LITAF: variants seen among roughly 807,000 people sequenced by gnomAD.
LITAF encodes the protein lipopolysaccharide-induced tumor necrosis factor-alpha factor.
A neutral mutation model predicts 14.5 loss-of-function variants in LITAF; 9 were observed. The observed-to-expected ratio is 0.62, with a 90% confidence interval of 0.37 to 1.08. The LOEUF (loss-of-function observed/expected upper bound fraction) is 1.08, where lower values mean the gene tolerates loss of function less well. Ranked by LOEUF, LITAF falls within the 50% of genes least tolerant of loss-of-function variation. LITAF has a pLI of 0.01. For synonymous variants in LITAF, 98 were observed against 88.2 expected (o/e 1.11, Z -0.62); for missense variants, 206 against 213.4 (o/e 0.97, Z 0.22).
In LITAF at chr16:11,558,975, C is replaced by T. The variant is rs1413004749; in HGVS notation, c.-5-2240G>A. Among the ~76,000 whole-genome samples the T allele has an allele frequency of 6.6e-6, 1 of 152,016 alleles. No homozygotes were observed. The highest frequency in any genetic ancestry group is 1.5e-5 in the Non-Finnish European group (1 of 68,012). On this transcript the variant is annotated intron_variant, in intron 1 of 3. Coordinates refer to ENST00000622633, the MANE Select transcript of LITAF (RefSeq NM_001136472.2). This position sits in a 1 kb window ranked among gnomAD's most constrained non-coding sequence, Gnocchi z 4.1. ...CTAAAATGTGGCTTGTGGCCGGGCA[C>T]GGGGGCTCATGACTGCAATCCCAGC...
rs899179162 is a variant in LITAF at position 11,558,192 on chromosome 16, G to C, written c.-5-1457C>G. 6.6e-6 allele frequency among the ~76,000 whole-genome samples: 1 copy of C among 152,180 alleles called. No homozygotes were observed. Among genetic ancestry groups the C allele is most frequent in the African/African-American group, 2.4e-5 (1 of 41,438 alleles). Reference sequence around the variant, plus strand: ...TAATCCCACTGCAGGGAGAAGGGTAGAGTCCTTCTCAGAAGCCCTGCCTCT... The same window carrying C: ...TAATCCCACTGCAGGGAGAAGGGTACAGTCCTTCTCAGAAGCCCTGCCTCT... On this transcript the variant is annotated intron_variant, in intron 1 of 3. Transcript: ENST00000622633. The surrounding 1 kb of genome is among the most constrained non-coding windows in gnomAD (Gnocchi z 4.1).
chr16:11,584,827 C>A (rs191399012), intron 1 of LITAF, among the ~76,000 whole-genome samples: 62 of 152,300 alleles, frequency 4.1e-4, no homozygotes, highest in African/African-American at 1.4e-3. Flanking sequence ...TATTTCTCAA[C>A]AGCCCGCCCA....
At chr16:11,620,965 G>T (rs1252247763) in intron 3 of LITAF, among the ~76,000 whole-genome samples, 1 of 152,100 alleles carries the variant, frequency 6.6e-6, no homozygotes, top group African/African-American at 2.4e-5. Context: ...GTGCCATCAT[G>T]GCTTACTGCA....
chr16:11,618,926 T>C (rs956716504), intron 3 of LITAF, among the ~76,000 whole-genome samples: 1 of 150,986 alleles, frequency 6.6e-6, no homozygotes. Flanking sequence ...GAGGTTGCAG[T>C]GAGCCGAGAT....
At chr16:11,552,563 T>C (rs1054832874) in intron 3 of LITAF, among the ~76,000 whole-genome samples, 3 of 152,224 alleles carry the variant, frequency 2.0e-5, no homozygotes, top group Non-Finnish European at 4.4e-5. Flanking sequence ...CCTGAGGATA[T>C]TGCCCTGTAC....
At chr16:11,610,991 G>A (rs980128350) in intron 3 of LITAF, among the ~76,000 whole-genome samples, 8 of 152,002 alleles carry the variant, frequency 5.3e-5, no homozygotes, top group Non-Finnish European at 7.4e-5. Flanking sequence ...GGAGGAGGGA[G>A]GAAAAGTCAA....
intron 3 of LITAF, among the ~76,000 whole-genome samples, chr16:11,550,816 G>C (rs2064171163): frequency 6.6e-6 from 1 of 152,144 alleles, no homozygotes; most frequent in Non-Finnish European, 1.5e-5. Flanking sequence ...TCATCCTGAT[G>C]AGCCATGGCG....
At chr16:11,556,468 A>G in intron 2 of LITAF, 43 bp downstream of exon 2, 1 of 1,537,968 alleles carries the variant, frequency 6.5e-7, no homozygotes. Context: ...CCCAGGGTGG[A>G]GGGCCAAGGA....
chr16:11,636,152 C>T (rs1421632768), intron 1 of LITAF: 1 of 152,192 alleles, frequency 6.6e-6, no homozygotes, highest in Non-Finnish European at 1.5e-5. Flanking sequence ...ATTCTCCAGC[C>T]TCCTCGGAGC....
At chr16:11,573,348 T>A (rs995690024) in intron 1 of LITAF, among the ~76,000 whole-genome samples, 6 of 152,318 alleles carry the variant, frequency 3.9e-5, no homozygotes, top group Admixed American at 3.3e-4. Context: ...AGCCTGGGTA[T>A]CGATAAACTG....
intron 1 of LITAF, among the ~76,000 whole-genome samples, chr16:11,562,530 C>T (rs909679507): frequency 2.0e-5 from 3 of 152,114 alleles, no homozygotes; most frequent in Non-Finnish European, 4.4e-5. Context: ...TATAAATATG[C>T]CACTTGGGAT....
intron 1 of LITAF, among the ~76,000 whole-genome samples, chr16:11,559,477 G>T (rs145593306): frequency 1.4e-3 from 209 of 152,118 alleles, no homozygotes; most frequent in African/African-American, 4.4e-3. Flanking sequence ...GATGAACACT[G>T]AATATAGATC....
At chr16:11,550,162 C>T (rs1216830054) in intron 3 of LITAF, among the ~76,000 whole-genome samples, 1 of 152,100 alleles carries the variant, frequency 6.6e-6, no homozygotes, top group Non-Finnish European at 1.5e-5. Flanking sequence ...GCCCAGGGTT[C>T]AAGCAATTCT....
intron 3 of LITAF, among the ~76,000 whole-genome samples, chr16:11,612,651 C>T (rs1474200639): frequency 6.6e-6 from 1 of 152,208 alleles, no homozygotes; most frequent in Non-Finnish European, 1.5e-5. Context: ...AGACAGCAGA[C>T]CTTCCCACCC....
At chr16:11,628,877 T>C (rs561320869) in intron 3 of LITAF, among the ~76,000 whole-genome samples, 1 of 152,304 alleles carries the variant, frequency 6.6e-6, no homozygotes, top group African/African-American at 2.4e-5. Context: ...AGTTTCGCCA[T>C]ATTGGCCAGG....
intron 3 of LITAF, among the ~76,000 whole-genome samples, chr16:11,629,656 G>T (rs1342684953): frequency 6.6e-6 from 1 of 152,154 alleles, no homozygotes; most frequent in Non-Finnish European, 1.5e-5. Flanking sequence ...TTTGGGGAAG[G>T]AGCTCATGGA....
chr16:11,584,169 G>A lies in LITAF; in HGVS notation c.-6+2717C>T, dbSNP rs555490928. ...AAAATATGTGTGCTAAAGAAACACA[G>A]AACTAAGGAAGTCTATTTACCTGAT... On this transcript the variant is annotated intron_variant, in intron 1 of 3. Coordinates refer to ENST00000622633, the MANE Select transcript of LITAF (RefSeq NM_001136472.2). 1.1e-3 allele frequency: 172 copies of A among 152,330 alleles called. 2 individuals are homozygous for A. Among genetic ancestry groups the A allele is most frequent in the African/African-American group, 3.9e-3 (164 of 41,578 alleles). The allele number at this position is 152,330 out of a possible 1,614,324, so 9.4% of individuals were successfully genotyped here.
chr16:11,639,264 G>T (rs1477657379), upstream of LITAF, among the ~76,000 whole-genome samples: 1 of 151,982 alleles, frequency 6.6e-6, no homozygotes, highest in Admixed American at 6.6e-5. Flanking sequence ...GGGAGGAATG[G>T]ATGGATGGAT....
chr16:11,553,573 C>A lies in LITAF; in HGVS notation c.337G>T (p.Ala113Ser), dbSNP rs763994444. ...IVSQLSYNAG[A>S]LTWLSCGSLC... ...CTCCCGCAGGACAGCCAGGTCAGAGCACCGGCGTTATAGGACAGCTGACTC... is the reference window on the plus strand; with the variant it reads ...CTCCCGCAGGACAGCCAGGTCAGAGAACCGGCGTTATAGGACAGCTGACTC... Residue 113 changes from alanine (A) to serine (S), a missense_variant, in exon 3 of 4, where the codon GCT becomes TCT. Coordinates refer to ENST00000622633, the MANE Select transcript of LITAF (RefSeq NM_001136472.2). The surrounding 1 kb of genome is among the most constrained non-coding windows in gnomAD (Gnocchi z 7.7). The A allele has an allele frequency of 6.2e-7, 1 of 1,614,152 alleles. No homozygotes were observed. Among genetic ancestry groups the A allele is most frequent in the South Asian group, 1.1e-5 (1 of 91,082 alleles).
Sources: gnomAD v4.1 joint callset for allele counts (sites outside exome capture counted in the v4.1 genomes callset) on GRCh38, gnomAD v4.1.1 for gene constraint, Gnocchi (gnomAD v3.1) non-coding constraint, MANE v1.5 for transcripts, NCBI Gene and HGNC (gene_info 2026-07-23, HGNC 2026-07-21) for gene names.